Variants in PHACTR1 observed in about 807,000 individuals in gnomAD.
PHACTR1 encodes RPEL repeat containing 1.
Under a neutral mutation model 69.2 loss-of-function variants are expected in PHACTR1, and 16 were observed. That is an observed-to-expected ratio of 0.23 (90% CI 0.16 to 0.35). The LOEUF is 0.35. Ranked by LOEUF, PHACTR1 falls within the 10% of genes least tolerant of loss-of-function variation. The probability of loss-of-function intolerance (pLI) is 1.00; values close to 1 mark genes in which losing one functional copy is unlikely to be tolerated. For missense variants in PHACTR1, 510 were observed against 734.7 expected, an observed-to-expected ratio of 0.69 and a Z score of 3.54; for synonymous variants, 312 against 284.5, an observed-to-expected ratio of 1.10 and a Z score of -0.97.
chr6:13,088,782 T>C (rs1812732462), intron 5 of PHACTR1, among the ~76,000 whole-genome samples: 2 of 152,150 alleles, frequency 1.3e-5, no homozygotes, highest in African/African-American at 4.8e-5. Context: ...TAAGGTCAGC[T>C]TTGACATTTA....
intron 4 of PHACTR1, among the ~76,000 whole-genome samples, chr6:13,009,819 C>A (rs1274375123): frequency 6.6e-6 from 1 of 152,024 alleles, no homozygotes; most frequent in Non-Finnish European, 1.5e-5. Flanking sequence ...CCTCCCCACC[C>A]CATGAACTCC....
At chr6:13,029,241 T>G (rs995266456) in intron 4 of PHACTR1, among the ~76,000 whole-genome samples, 1 of 152,200 alleles carries the variant, frequency 6.6e-6, no homozygotes, top group Non-Finnish European at 1.5e-5. Context: ...GAACATCAGG[T>G]AAGATTAAAG....
chr6:13,054,815 T>A (rs1437981965), intron 5 of PHACTR1, among the ~76,000 whole-genome samples: 1 of 152,144 alleles, frequency 6.6e-6, no homozygotes, highest in East Asian at 1.9e-4. Flanking sequence ...TGGCACTTTG[T>A]TTTGATTTTT....
intron 4 of PHACTR1, among the ~76,000 whole-genome samples, chr6:12,922,055 G>T (rs991919006): frequency 6.6e-6 from 1 of 152,174 alleles, no homozygotes; most frequent in Non-Finnish European, 1.5e-5. Flanking sequence ...TGATCACTTT[G>T]CTTTGTGGCA....
chr6:12,933,261 A>G (rs538874755), intron 4 of PHACTR1, among the ~76,000 whole-genome samples: 138 of 152,262 alleles, frequency 9.1e-4, no homozygotes, highest in Middle Eastern at 3.4e-3. Context: ...AATCTTGATG[A>G]AGTAATGGTT....
chr6:13,039,105 A>G (rs555677274), intron 4 of PHACTR1, among the ~76,000 whole-genome samples: 7 of 152,234 alleles, frequency 4.6e-5, no homozygotes, highest in Non-Finnish European at 8.8e-5. Flanking sequence ...TATTCACTAA[A>G]TAGAAGAATG....
chr6:12,999,501 G>C (rs1008382591), intron 4 of PHACTR1, among the ~76,000 whole-genome samples: 1 of 152,208 alleles, frequency 6.6e-6, no homozygotes, highest in Admixed American at 6.5e-5. Flanking sequence ...TCAGGAGGCT[G>C]AGACAGAGAA....
chr6:13,206,428 G>C (rs2113877232), intron 8 of PHACTR1, among the ~76,000 whole-genome samples: 1 of 152,242 alleles, frequency 6.6e-6, no homozygotes, highest in African/African-American at 2.4e-5. Context: ...GTAGGTTCGT[G>C]AAAATTGCAA....
intron 3 of PHACTR1, among the ~76,000 whole-genome samples, chr6:12,733,059 C>G (rs1214586042): frequency 6.6e-6 from 1 of 152,178 alleles, no homozygotes. Context: ...TAGACTCATA[C>G]ATTTAGAAAT....
intron 4 of PHACTR1, among the ~76,000 whole-genome samples, chr6:12,950,513 G>A (rs1334566444): frequency 6.6e-6 from 1 of 152,190 alleles, no homozygotes; most frequent in Non-Finnish European, 1.5e-5. Flanking sequence ...TTCATCTTTG[G>A]AAAATGCAAT....
Position 13,222,419 on chromosome 6 carries a change from A to G in PHACTR1, c.987-5397A>G, listed in dbSNP as rs566848952. Among the ~76,000 whole-genome samples the G allele has an allele frequency of 3.3e-5, 5 of 152,352 alleles. No homozygotes were observed. In the East Asian group the frequency reaches 9.6e-4, roughly 29 times the overall value. On this transcript the variant is annotated intron_variant, in intron 8 of 14. Transcript: ENST00000332995. The stretch of plus-strand genomic sequence containing the variant: ...AACTAACAGCTCAGGAACTGAAGGC[A>G]GGAGTGCAAGTAACTGAGTAAGTAG...
chr6:13,266,339 TC>T (rs1776699914), intron 10 of PHACTR1, among the ~76,000 whole-genome samples: 1 of 152,038 alleles, frequency 6.6e-6, no homozygotes, highest in African/African-American at 2.4e-5. Flanking sequence ...CCTCCCCCAA[TC>T]CCTTCTCCAT....
intron 13 of PHACTR1, among the ~76,000 whole-genome samples, chr6:13,285,664 TA>T (rs1437202425): frequency 6.6e-5 from 10 of 152,160 alleles, no homozygotes; most frequent in Non-Finnish European, 1.3e-4. Flanking sequence ...AGGGAAGTTG[TA>T]AAAGAGCAAA....
Position 13,160,213 on chromosome 6 carries a change from G to A in PHACTR1, c.425G>A (p.Arg142Lys). The change falls in exon 6 of 15, where the codon AGG becomes AAG. Residue 142 changes from arginine to lysine, a missense_variant. Transcript: ENST00000332995. ...TGTCTTTTGTTTGTAGCCCTGGAAAGGAAAATATCTATGAGGCAAAGCAGA... is the reference window on the plus strand; with the variant it reads ...TGTCTTTTGTTTGTAGCCCTGGAAAAGAAAATATCTATGAGGCAAAGCAGA... The part of the protein sequence containing the change: ...KFKHTSAALE[R>K]KISMRQSREE... 6.2e-7 allele frequency: 1 copy of A among 1,613,610 alleles called. No individual in the cohort carries two copies. Among genetic ancestry groups the A allele is most frequent in the Non-Finnish European group, 8.5e-7 (1 of 1,179,656 alleles).
intron 10 of PHACTR1, among the ~76,000 whole-genome samples, chr6:13,231,051 G>A (rs1770864691): frequency 6.2e-4 from 2 of 3,238 alleles, no homozygotes; most frequent in East Asian, 0.1. Flanking sequence ...GAGAAAGGAA[G>A]GAAGGAAGGA....
intron 4 of PHACTR1, among the ~76,000 whole-genome samples, chr6:13,014,598 C>T (rs1470055190): frequency 2.6e-5 from 4 of 152,084 alleles, no homozygotes; most frequent in African/African-American, 9.7e-5. Flanking sequence ...GGTTTGGCTG[C>T]GGCGCCCAGA....
chr6:13,066,082 A>T (rs1302091532), intron 5 of PHACTR1, among the ~76,000 whole-genome samples: 1 of 152,158 alleles, frequency 6.6e-6, no homozygotes, highest in Non-Finnish European at 1.5e-5. Context: ...TTTTGTTTTT[A>T]AAAAATCTCT....
chr6:13,070,330 A>T (rs1287111955), intron 5 of PHACTR1, among the ~76,000 whole-genome samples: 1 of 152,180 alleles, frequency 6.6e-6, no homozygotes, highest in African/African-American at 2.4e-5. Context: ...ATACATTAGC[A>T]CTACTAGTAA....
chr6:12,911,668 A>T (rs1006760738), intron 4 of PHACTR1, among the ~76,000 whole-genome samples: 7 of 150,160 alleles, frequency 4.7e-5, no homozygotes, highest in African/African-American at 1.7e-4. Flanking sequence ...TTTTTTGTTT[A>T]AAAAAAAAAT....
Sources: allele counts gnomAD v4.1 joint callset (sites outside exome capture counted in the v4.1 genomes callset), GRCh38; gene constraint gnomAD v4.1.1; transcripts MANE v1.5; gene names NCBI Gene and HGNC (gene_info 2026-07-23, HGNC 2026-07-21).